MME: variants seen among roughly 807,000 people sequenced by gnomAD.
MME encodes the protein neprilysin.
MME carries 98 observed loss-of-function variants against 113.2 expected under a neutral mutation model. That is an observed-to-expected ratio of 0.87 (90% CI 0.74 to 1.02). MME has a LOEUF of 1.02. MME is among the 50% of genes least tolerant of loss of function. MME has a pLI of 0.00. For synonymous variants in MME, 292 were observed against 300.6 expected (o/e 0.97, Z 0.30); for missense variants, 836 against 896.0 (o/e 0.93, Z 0.86).
chr3:155,116,426 A>C (rs1036544823), intron 4 of MME, 53 bp from the exon 5 acceptor site: 1 of 1,262,454 alleles, frequency 7.9e-7, no homozygotes, highest in Admixed American at 1.7e-5. Flanking sequence ...TTATGTTTGC[A>C]TAGTGCAAAT....
At chr3:155,061,120 T>C (rs1365553579) in intron 1 of MME, among the ~76,000 whole-genome samples, 1 of 152,198 alleles carries the variant, frequency 6.6e-6, no homozygotes. Flanking sequence ...ATGTAACACT[T>C]TTAAAAATTG....
intron 3 of MME, among the ~76,000 whole-genome samples, chr3:155,086,811 A>G (rs1486491905): frequency 6.6e-6 from 1 of 151,732 alleles, no homozygotes; most frequent in Non-Finnish European, 1.5e-5. Context: ...AATTTTATTT[A>G]TTTATTTATT....
At chr3:155,071,430 G>C (rs1255280597) in intron 1 of MME, among the ~76,000 whole-genome samples, 1 of 152,174 alleles carries the variant, frequency 6.6e-6, no homozygotes, top group Non-Finnish European at 1.5e-5. Flanking sequence ...TTGAAAAACT[G>C]CTTAGTGAGT....
At chr3:155,141,346 G>A (rs1721073860) in intron 10 of MME, among the ~76,000 whole-genome samples, 1 of 152,118 alleles carries the variant, frequency 6.6e-6, no homozygotes, top group Admixed American at 6.6e-5. Context: ...TTGTGTCTGT[G>A]TGTGTAAAAT....
chr3:155,057,614 A>G (rs1713978841), intron 1 of MME, among the ~76,000 whole-genome samples: 1 of 151,948 alleles, frequency 6.6e-6, no homozygotes, highest in Non-Finnish European at 1.5e-5. Flanking sequence ...GTGCATTGGT[A>G]GGGAGTGAGT....
In MME at chr3:155,115,044, T is replaced by C. The variant is rs1306177944; in HGVS notation, c.247T>C (p.Phe83Leu). The C allele has an allele frequency of 6.2e-7, 1 of 1,613,996 alleles. No individual in the cohort carries two copies. The highest frequency in any genetic ancestry group is 8.5e-7 in the Non-Finnish European group (1 of 1,179,996). Reference sequence around the variant, plus strand: ...TGCCACCACTGAGCCTTGTACAGACTTTTTCAAATATGCTTGCGGAGGCTG... The same window carrying C: ...TGCCACCACTGAGCCTTGTACAGACCTTTTCAAATATGCTTGCGGAGGCTG... Reference protein sequence around the residue: ...MDATTEPCTDFFKYACGGWLK... With the variant: ...MDATTEPCTDLFKYACGGWLK... The change falls in exon 4 of 23, where the codon TTT becomes CTT. Residue 83 changes from phenylalanine to leucine, a missense_variant. Coordinates refer to ENST00000360490, the MANE Select transcript of MME (RefSeq NM_007289.4).
At chr3:155,157,944 C>G (rs924597949) in intron 16 of MME, among the ~76,000 whole-genome samples, 1 of 152,074 alleles carries the variant, frequency 6.6e-6, no homozygotes, top group Non-Finnish European at 1.5e-5. Context: ...AAACATAAAT[C>G]AAAATGCAGT....
At chr3:155,060,649 A>G (rs1714101606) in intron 1 of MME, among the ~76,000 whole-genome samples, 1 of 152,066 alleles carries the variant, frequency 6.6e-6, no homozygotes, top group South Asian at 2.1e-4. Flanking sequence ...ACAGAATACC[A>G]TTTCTCACCT....
chr3:155,054,716 C>T (rs985408819), intron 1 of MME, among the ~76,000 whole-genome samples: 1 of 152,188 alleles, frequency 6.6e-6, no homozygotes, highest in Admixed American at 6.5e-5. Flanking sequence ...ACTCAGAAGG[C>T]TGAGGCTGGA....
intron 17 of MME, among the ~76,000 whole-genome samples, chr3:155,164,204 C>T (rs1722929047): frequency 1.3e-5 from 2 of 151,560 alleles, no homozygotes; most frequent in African/African-American, 2.4e-5. Context: ...TTAATTGCTG[C>T]CTTAGGCTAC....
At chr3:155,102,804 A>G (rs1717367567) in intron 3 of MME, among the ~76,000 whole-genome samples, 1 of 152,028 alleles carries the variant, frequency 6.6e-6, no homozygotes, top group Non-Finnish European at 1.5e-5. Flanking sequence ...CTCTGCTCCC[A>G]CCAGTCAACA....
At chr3:155,039,916 T>C (rs1713253144) in intron 1 of MME, among the ~76,000 whole-genome samples, 1 of 152,018 alleles carries the variant, frequency 6.6e-6, no homozygotes, top group African/African-American at 2.4e-5. Flanking sequence ...CTGATTAATA[T>C]AATTTTGAAA....
Position 155,168,720 on chromosome 3 carries a change from C to CT in MME, c.1915-6dup, listed in dbSNP as rs776862419. The CT allele has an allele frequency of 3.1e-6, 5 of 1,612,722 alleles. No individual in the cohort carries two copies. In the East Asian group the frequency reaches 1.1e-4, roughly 36 times the overall value. ...TTTTTTAACAATCCTAATAAAGTGT[C>CT]TTTTTTAACAGCTTAATGGAATTAA... On this transcript the variant is annotated splice_polypyrimidine_tract_variant and intron_variant, in intron 19 of 22. Coordinates refer to ENST00000360490, the MANE Select transcript of MME (RefSeq NM_007289.4).
upstream of MME, among the ~76,000 whole-genome samples, chr3:155,079,142 A>C (rs1559902293): frequency 6.6e-6 from 1 of 151,840 alleles, no homozygotes; most frequent in East Asian, 2.0e-4. Context: ...GAAAGAGGGA[A>C]GCGGGGTGGA....
Position 155,182,792 on chromosome 3 carries a change from T to C in MME, c.*2333T>C, listed in dbSNP as rs1713222730. The C allele has an allele frequency of 6.6e-6, 1 of 152,234 alleles. No individual in the cohort carries two copies. 9.4% of individuals were successfully genotyped at this position (152,234 alleles called of 1,614,324 possible). On this transcript the variant is annotated 3_prime_UTR_variant, in exon 23 of 23. Transcript: ENST00000360490. The stretch of plus-strand genomic sequence containing the variant: ...CCTGGATCCCCTCTGTCTACAAATA[T>C]AAGATTTTCTGGGCCTAAAGGATAG...
At position 155,183,416 on chromosome 3, in the gene MME, C is replaced by A. The variant is rs6665; in HGVS notation, c.*2957C>A. 0.68 allele frequency: 103,496 copies of A among 152,054 alleles called. 35,297 individuals are homozygous for A. The highest frequency in any genetic ancestry group is 0.7 in the Middle Eastern group (206 of 294). The allele number at this position is 152,054 out of a possible 1,614,324, so 9.4% of individuals were successfully genotyped here. On this transcript the variant is annotated 3_prime_UTR_variant, in exon 23 of 23. Transcript: ENST00000360490. ...AGGATAAACTGAAAACTCCCATTTA[C>A]GTGTCTGAATCGAGTGAGACAAAAT... is the stretch of plus-strand genomic sequence containing the variant.
intron 8 of MME, among the ~76,000 whole-genome samples, chr3:155,135,623 T>TTTTTGG (rs1280882667): frequency 6.6e-6 from 1 of 152,184 alleles, no homozygotes; most frequent in Non-Finnish European, 1.5e-5. Context: ...TTTGGGCTCT[T>TTTTTGG]TTTTGGTTTT....
intron 1 of MME, among the ~76,000 whole-genome samples, chr3:155,045,529 T>C (rs1713528830): frequency 6.6e-6 from 1 of 151,866 alleles, no homozygotes; most frequent in African/African-American, 2.4e-5. Flanking sequence ...TTATCTTTTT[T>C]TTTTTTTTTG....
intron 1 of MME, among the ~76,000 whole-genome samples, chr3:155,060,442 A>G (rs1714093178): frequency 6.6e-6 from 1 of 152,196 alleles, no homozygotes; most frequent in South Asian, 2.1e-4. Flanking sequence ...AGTTTGAACA[A>G]GATAATTTAA....
Sources: gnomAD v4.1 joint callset for allele counts (sites outside exome capture counted in the v4.1 genomes callset) on GRCh38, gnomAD v4.1.1 for gene constraint, MANE v1.5 for transcripts, NCBI Gene and HGNC (gene_info 2026-07-23, HGNC 2026-07-21) for gene names.